UNC79: variants seen among roughly 807,000 people sequenced by gnomAD.
The protein encoded by UNC79 is unc-79 subunit of NALCN channel complex.
A neutral mutation model predicts 283.1 loss-of-function variants in UNC79; 37 were observed. The observed-to-expected ratio is 0.13, with a 90% CI of 0.10 to 0.17. The LOEUF is 0.17. Ranked by LOEUF, UNC79 falls within the 10% of genes least tolerant of loss-of-function variation. UNC79 has a pLI of 1.00. For missense variants in UNC79, 2,272 were observed against 3,211.1 expected (o/e 0.71, Z 7.07); for synonymous variants, 1,107 against 1,200.2 (o/e 0.92, Z 1.61).
Position 93,488,385 on chromosome 14 carries a change from A to C in UNC79, c.712+630A>C, listed in dbSNP as rs180744142. ...TTACTCTGTTTGATTTCCATTTGTCAGTATAATTGCAGATAACTTTGGAAA... is the reference window on the plus strand; with the variant it reads ...TTACTCTGTTTGATTTCCATTTGTCCGTATAATTGCAGATAACTTTGGAAA... On this transcript the variant is annotated intron_variant, in intron 5 of 48. Transcript: ENST00000555664. 2.0e-5 allele frequency among the ~76,000 whole-genome samples: 3 copies of C among 152,290 alleles called. No homozygotes were observed. The East Asian group carries it at 5.8e-4, about 29-fold the overall frequency.
chr14:93,526,999 C>T (rs1216145427), intron 8 of UNC79, among the ~76,000 whole-genome samples: 1 of 152,062 alleles, frequency 6.6e-6, no homozygotes, highest in Non-Finnish European at 1.5e-5. Context: ...AATGGTATAC[C>T]AAATAGAAAA....
At chr14:93,428,084 A>G (rs2055770919), upstream of UNC79, among the ~76,000 whole-genome samples, 1 of 152,174 alleles carries the variant, frequency 6.6e-6, no homozygotes, top group Admixed American at 6.5e-5. Context: ...CCAAGAGATA[A>G]AGCAATTATA....
chr14:93,507,155 T>C (rs556075758), intron 7 of UNC79, among the ~76,000 whole-genome samples: 1 of 152,328 alleles, frequency 6.6e-6, no homozygotes, highest in Non-Finnish European at 1.5e-5. Context: ...TATTGATGTA[T>C]ATTTGGGTTG....
intron 48 of UNC79, among the ~76,000 whole-genome samples, 155 bp downstream of exon 51, chr14:93,704,821 G>A (rs1283017705): frequency 6.6e-6 from 1 of 152,190 alleles, no homozygotes; most frequent in Admixed American, 6.5e-5. Context: ...CTGTGGGCCA[G>A]GTAAGGGCTC....
intron 1 of UNC79, among the ~76,000 whole-genome samples, chr14:93,433,548 A>G (rs1170499199): frequency 6.7e-6 from 1 of 149,082 alleles, no homozygotes; most frequent in African/African-American, 2.5e-5. Context: ...AGGTCAGGGA[A>G]TTTTTTTTTT....
At chr14:93,412,923 T>TG (rs1352341286) in intron 1 of UNC79, among the ~76,000 whole-genome samples, 1 of 152,150 alleles carries the variant, frequency 6.6e-6, no homozygotes, top group African/African-American at 2.4e-5. Flanking sequence ...TGGATGTTAA[T>TG]GAGCAAAAAG....
intron 1 of UNC79, among the ~76,000 whole-genome samples, chr14:93,375,815 C>T (rs189117912): frequency 2.6e-5 from 4 of 152,322 alleles, no homozygotes; most frequent in South Asian, 4.1e-4. Context: ...CCAATCATCT[C>T]CCACCAGGCA....
intron 1 of UNC79, among the ~76,000 whole-genome samples, chr14:93,354,560 C>T (rs1342310114): frequency 6.6e-6 from 1 of 152,140 alleles, no homozygotes; most frequent in Non-Finnish European, 1.5e-5. Context: ...TGTAGTGGTG[C>T]TATCGTGGCT....
chr14:93,673,964 C>T (rs1448438691), intron 41 of UNC79, among the ~76,000 whole-genome samples: 3 of 152,148 alleles, frequency 2.0e-5, no homozygotes, highest in Non-Finnish European at 4.4e-5. Context: ...CTTCAGCCCT[C>T]AGGGGACCAC....
At chr14:93,533,401 T>A (rs528882511) in intron 11 of UNC79, among the ~76,000 whole-genome samples, 11 of 152,238 alleles carry the variant, frequency 7.2e-5, no homozygotes, top group African/African-American at 2.7e-4. Context: ...ATTTGTCCTA[T>A]GCTCAGCTCA....
At chr14:93,333,241 C>CCGGGCTTCGGGTCGCTGGGAGT in exon 1 of UNC79, 1 of 400,308 alleles carries the variant, frequency 2.5e-6, no homozygotes, top group East Asian at 3.6e-5. Context: ...CGGCTGGGAG[C>CCGGGCTTCGGGTCGCTGGGAGT]CGGGCGTCGG....
chr14:93,356,472 T>C (rs2054088799), intron 1 of UNC79, among the ~76,000 whole-genome samples: 1 of 152,246 alleles, frequency 6.6e-6, no homozygotes, highest in Non-Finnish European at 1.5e-5. Context: ...CACGAGAGAC[T>C]GTCAAAAGCA....
chr14:93,634,734 C>G (rs2068363465), intron 31 of UNC79, 97 bp downstream of exon 34: 3 of 1,185,850 alleles, frequency 2.5e-6, no homozygotes, highest in Non-Finnish European at 3.7e-6. Flanking sequence ...TAGATTTTCT[C>G]TCATGTTCTT....
intron 1 of UNC79, among the ~76,000 whole-genome samples, chr14:93,466,294 T>C (rs2057175915): frequency 6.6e-6 from 1 of 152,218 alleles, no homozygotes; most frequent in East Asian, 1.9e-4. Context: ...TTAGAATCAG[T>C]GATTAACCTG....
intron 15 of UNC79, 73 bp downstream of exon 15, chr14:93,572,157 C>G: frequency 6.8e-7 from 1 of 1,480,592 alleles, no homozygotes; most frequent in Non-Finnish European, 9.1e-7. Flanking sequence ...TACTGTATGC[C>G]GGTCACCCTA....
intron 1 of UNC79, among the ~76,000 whole-genome samples, chr14:93,357,705 A>ATATATGGATG (rs2054118596): frequency 8.0e-6 from 1 of 124,544 alleles, no homozygotes; most frequent in African/African-American, 3.5e-5. Context: ...ATATATATAT[A>ATATATGGATG]TATATATATA....
intron 20 of UNC79, among the ~76,000 whole-genome samples, chr14:93,583,729 A>C (rs559494450): frequency 6.6e-6 from 1 of 152,168 alleles, no homozygotes; most frequent in South Asian, 2.1e-4. Context: ...AGGAGGGCAA[A>C]ATATAAAGAC....
At chr14:93,469,930 A>C (rs942715996) in intron 2 of UNC79, among the ~76,000 whole-genome samples, 2 of 152,200 alleles carry the variant, frequency 1.3e-5, no homozygotes, top group Admixed American at 6.5e-5. Context: ...TGGTCTAAGC[A>C]TTTGGTGTCC....
At chr14:93,689,395 A>G (rs2074500359) in intron 44 of UNC79, 1 of 153,052 alleles carries the variant, frequency 6.5e-6, no homozygotes, top group African/African-American at 2.4e-5. Context: ...GGGTAGGAGG[A>G]AAAGATCACT....
Sources: gnomAD v4.1 joint callset for allele counts (sites outside exome capture counted in the v4.1 genomes callset) on GRCh38, gnomAD v4.1.1 for gene constraint, MANE v1.5 for transcripts, NCBI Gene and HGNC (gene_info 2026-07-23, HGNC 2026-07-21) for gene names.